Variants in LNX2 observed in about 807,000 individuals in gnomAD.
The protein encoded by LNX2 is ligand of Numb protein X 2.
In LNX2, 35 loss-of-function variants were observed where a neutral mutation model predicts 66.2. The observed-to-expected ratio is 0.53, with a 90% confidence interval of 0.40 to 0.70. LNX2 has a LOEUF of 0.70. Among genes scored for constraint, LNX2 ranks in the 30% least tolerant of loss-of-function variants. The pLI, the probability that LNX2 is intolerant of heterozygous loss-of-function variation, is 0.00. For synonymous variants in LNX2, 337 were observed against 315.6 expected (o/e 1.07, Z -0.72); for missense variants, 791 against 850.8 (o/e 0.93, Z 0.87).
At chr13:27,615,504 G>C (rs895072392) in intron 1 of LNX2, among the ~76,000 whole-genome samples, 2 of 152,104 alleles carry the variant, frequency 1.3e-5, no homozygotes, top group Non-Finnish European at 1.5e-5. Context: ...TTGGTGATCA[G>C]CTTACCCTTC....
At chr13:27,599,735 G>A (rs1478672707) in intron 1 of LNX2, among the ~76,000 whole-genome samples, 1 of 152,150 alleles carries the variant, frequency 6.6e-6, no homozygotes, top group Non-Finnish European at 1.5e-5. Context: ...GTTAATGGAA[G>A]GGAAGAATTT....
intron 2 of LNX2, among the ~76,000 whole-genome samples, chr13:27,577,505 G>A (rs1180984930): frequency 3.3e-5 from 5 of 151,626 alleles, no homozygotes; most frequent in African/African-American, 1.2e-4. Flanking sequence ...TAATTGTCTT[G>A]GTCCACACAT....
chr13:27,569,992 A>C (rs1007902078), intron 2 of LNX2, among the ~76,000 whole-genome samples: 4 of 152,232 alleles, frequency 2.6e-5, no homozygotes, highest in Non-Finnish European at 5.9e-5. Flanking sequence ...TTATTTAAGC[A>C]AATAAAAGGA....
chr13:27,610,987 A>C (rs200947322), intron 1 of LNX2, among the ~76,000 whole-genome samples: 1 of 152,224 alleles, frequency 6.6e-6, no homozygotes, highest in East Asian at 1.9e-4. Flanking sequence ...ATGTAGAGAA[A>C]CTGGAATCCT....
At chr13:27,615,638 C>A (rs1955818004) in intron 1 of LNX2, among the ~76,000 whole-genome samples, 1 of 152,182 alleles carries the variant, frequency 6.6e-6, no homozygotes, top group Non-Finnish European at 1.5e-5. Context: ...TCAGTCAACT[C>A]ATCAGCATAC....
At chr13:27,610,390 C>T (rs994710327) in intron 1 of LNX2, among the ~76,000 whole-genome samples, 1 of 152,248 alleles carries the variant, frequency 6.6e-6, no homozygotes, top group African/African-American at 2.4e-5. Flanking sequence ...CAATTTAAAA[C>T]TATTCCATGT....
intron 1 of LNX2, among the ~76,000 whole-genome samples, chr13:27,609,148 A>ATTTT (rs34922531): frequency 1.4e-4 from 8 of 56,526 alleles, no homozygotes; most frequent in African/African-American, 3.3e-4. Flanking sequence ...ACCAACAGTG[A>ATTTT]TTTTTTTTTT....
At chr13:27,560,082 T>C (rs1328947602) in intron 5 of LNX2, 97 bp from the exon 6 acceptor site, 1 of 1,122,872 alleles carries the variant, frequency 8.9e-7, no homozygotes, top group Non-Finnish European at 1.2e-6. Context: ...TCTTAATCAC[T>C]GTACCAGGGC....
chr13:27,580,179 C>T (rs73446865), intron 2 of LNX2, among the ~76,000 whole-genome samples: 1 of 152,002 alleles, frequency 6.6e-6, no homozygotes, highest in African/African-American at 2.4e-5. Flanking sequence ...CAGCAGAGAA[C>T]ATGACTTGAC....
intron 1 of LNX2, among the ~76,000 whole-genome samples, chr13:27,609,854 TA>T (rs1236901833): frequency 1.3e-5 from 2 of 152,150 alleles, no homozygotes; most frequent in African/African-American, 4.8e-5. Context: ...CATACTCCAT[TA>T]AAAACAGAAA....
intron 9 of LNX2, among the ~76,000 whole-genome samples, chr13:27,548,909 T>G (rs1322631639): frequency 1.3e-5 from 2 of 152,242 alleles, no homozygotes; most frequent in Non-Finnish European, 1.5e-5. Flanking sequence ...TGACGCTCAC[T>G]GTACTCTAAG....
At chr13:27,608,940 G>T (rs1955746571) in intron 1 of LNX2, among the ~76,000 whole-genome samples, 1 of 151,754 alleles carries the variant, frequency 6.6e-6, no homozygotes, top group Non-Finnish European at 1.5e-5. Flanking sequence ...GAGTAGCTGG[G>T]ACTATAGATG....
rs542704107 is a variant in LNX2 at position 27,587,792 on chromosome 13, C to T, written c.-100-5989G>A. 1.8e-3 allele frequency among the ~76,000 whole-genome samples: 281 copies of T among 152,034 alleles called. 1 individual carries two copies. Among genetic ancestry groups the T allele is most frequent in the Non-Finnish European group, 3.0e-3 (206 of 67,970 alleles). On this transcript the variant is annotated intron_variant, in intron 1 of 9. Transcript: ENST00000316334. Reference sequence around the variant, plus strand: ...ATCCCAGCACTTTGGGAGGCCAAGGCGGGCAGATCACAAGGTCAGGAGATC... The same window carrying T: ...ATCCCAGCACTTTGGGAGGCCAAGGTGGGCAGATCACAAGGTCAGGAGATC...
At chr13:27,606,153 T>A (rs992656357) in intron 1 of LNX2, among the ~76,000 whole-genome samples, 4 of 152,150 alleles carry the variant, frequency 2.6e-5, no homozygotes, top group African/African-American at 7.2e-5. Flanking sequence ...AACAAATAAT[T>A]TTTAATTAAG....
chr13:27,591,907 GAAGT>G (rs1166655800), intron 1 of LNX2, among the ~76,000 whole-genome samples: 2 of 152,194 alleles, frequency 1.3e-5, no homozygotes, highest in Non-Finnish European at 2.9e-5. Context: ...AAACCAAAAA[GAAGT>G]AACTAGAAAG....
intron 1 of LNX2, among the ~76,000 whole-genome samples, chr13:27,598,786 A>G (rs567170428): frequency 2.1e-3 from 315 of 152,282 alleles, no homozygotes; most frequent in African/African-American, 7.3e-3. Context: ...ACAAACCAAA[A>G]TATATACATA....
At chr13:27,553,168 G>T (rs1046128708) in intron 8 of LNX2, 40 bp downstream of exon 8, 1 of 1,528,156 alleles carries the variant, frequency 6.5e-7, no homozygotes, top group African/African-American at 1.4e-5. Context: ...CTGCAAGCAT[G>T]ATTATGATTT....
chr13:27,573,759 A>C (rs1397238211), intron 2 of LNX2, among the ~76,000 whole-genome samples: 1 of 152,198 alleles, frequency 6.6e-6, no homozygotes, highest in Non-Finnish European at 1.5e-5. Context: ...TTACAGAATT[A>C]GTTCATAAGA....
chr13:27,555,834 G>A (rs963510087), intron 7 of LNX2, among the ~76,000 whole-genome samples: 1 of 152,190 alleles, frequency 6.6e-6, no homozygotes. Flanking sequence ...AATGGCAAAT[G>A]CATTTATCCC....
Sources: gnomAD v4.1 joint callset for allele counts (sites outside exome capture counted in the v4.1 genomes callset) on GRCh38, gnomAD v4.1.1 for gene constraint, MANE v1.5 for transcripts, NCBI Gene and HGNC (gene_info 2026-07-23, HGNC 2026-07-21) for gene names.